Variants in PCNT observed in about 807,000 individuals in gnomAD.
PCNT encodes kendrin.
A neutral mutation model predicts 380.4 loss-of-function variants in PCNT; 319 were observed. That is an observed-to-expected ratio of 0.84 (90% CI 0.77 to 0.92). The LOEUF (loss-of-function observed/expected upper bound fraction) is 0.92. Among genes scored for constraint, PCNT ranks in the 40% least tolerant of loss-of-function variants. The pLI, the probability that PCNT is intolerant of heterozygous loss-of-function variation, is 0.00. For missense variants in PCNT, 4,400 were observed against 4,255.3 expected, an observed-to-expected ratio of 1.03 and a Z score of -0.95; for synonymous variants, 1,845 against 1,735.2, an observed-to-expected ratio of 1.06 and a Z score of -1.57.
Position 46,324,405 on chromosome 21 carries a change from G to C in PCNT, c.54+123G>C, listed in dbSNP as rs574843396. On this transcript the variant is annotated intron_variant, in intron 1 of 46. Transcript: ENST00000359568. ...CGGCGGAAGCCGCCGCGGAGGTCTC[G>C]CTTTTTCCCGCCGGCTCCGCTGGAA... The C allele has an allele frequency of 2.3e-3, 1,980 of 851,190 alleles. 6 individuals are homozygous for C. Among genetic ancestry groups the C allele is most frequent in the South Asian group, 4.1e-3 (286 of 69,822 alleles). The allele number at this position is 851,190 out of a possible 1,614,324, so 52.7% of individuals were successfully genotyped here.
chr21:46,371,337 A>C (rs2085120867), intron 15 of PCNT, among the ~76,000 whole-genome samples: 1 of 151,470 alleles, frequency 6.6e-6, no homozygotes, highest in African/African-American at 2.4e-5. Context: ...CAGCCTCCCA[A>C]GTAGCTGGGA....
At position 46,436,105 on chromosome 21, in the gene PCNT, G is replaced by C. The variant is rs188889473; in HGVS notation, c.8953G>C (p.Ala2985Pro). The change falls in exon 39 of 47, where the codon GCC becomes CCC. Residue 2985 changes from alanine to proline, a missense_variant. Coordinates refer to ENST00000359568, the MANE Select transcript of PCNT (RefSeq NM_006031.6). Reference protein sequence around the residue: ...LEAMRQRLLSAARLLTSFTSQ... With the variant: ...LEAMRQRLLSPARLLTSFTSQ... ...GGCGATGAGGCAGCGGCTGCTCTCT[G>C]CCGCCCGGCTTCTCACCAGCTTCAC... The C allele has an allele frequency of 7.4e-6, 12 of 1,610,858 alleles. No homozygotes were observed. The African/African-American group carries it at 1.3e-4, about 18-fold the overall frequency.
rs1233411059 is a variant in PCNT at position 46,428,416 on chromosome 21, C to G, written c.7516C>G (p.Leu2506Val). Residue 2506 changes from leucine (L) to valine (V), a missense_variant, in exon 35 of 47, where the codon CTG becomes GTG. Transcript: ENST00000359568. ...REQGDLQEKS[L>V]EHLRLPDRSS... ...CCAGGGAGACCTGCAGGAAAAGTCC[C>G]TGGAGCATCTTCGCTTGCCGGACCG... 6.2e-7 allele frequency: 1 copy of G among 1,612,438 alleles called. No individual in the cohort carries two copies. Among genetic ancestry groups the G allele is most frequent in the South Asian group, 1.1e-5 (1 of 90,982 alleles).
At chr21:46,429,172 C>T (rs2087635082) in intron 35 of PCNT, among the ~76,000 whole-genome samples, 1 of 152,076 alleles carries the variant, frequency 6.6e-6, no homozygotes, top group Non-Finnish European at 1.5e-5. Context: ...AGCCCACGGC[C>T]CTTGTCCCGG....
intron 13 of PCNT, among the ~76,000 whole-genome samples, chr21:46,358,854 G>A (rs905162943): frequency 9.2e-5 from 14 of 151,700 alleles, no homozygotes; most frequent in African/African-American, 2.4e-4. Flanking sequence ...AGGCTGGAGC[G>A]CGGTGGCGCA....
chr21:46,338,881 A>G (rs2083834726), intron 3 of PCNT, among the ~76,000 whole-genome samples: 1 of 152,094 alleles, frequency 6.6e-6, no homozygotes, highest in Non-Finnish European at 1.5e-5. Flanking sequence ...CCCAGGCTCA[A>G]GGGGTTCTCC....
intron 32 of PCNT, among the ~76,000 whole-genome samples, chr21:46,423,958 C>G (rs1458821508): frequency 2.0e-5 from 3 of 152,124 alleles, no homozygotes; most frequent in Non-Finnish European, 2.9e-5. Flanking sequence ...CAGACTGTTT[C>G]AAACTCAGGG....
chr21:46,406,235 C>T (rs2086618939), intron 27 of PCNT, among the ~76,000 whole-genome samples: 1 of 152,214 alleles, frequency 6.6e-6, no homozygotes, highest in Admixed American at 6.5e-5. Context: ...AACACCTCAT[C>T]CTCAATGTGG....
chr21:46,386,194 C>A (rs1026366145), intron 17 of PCNT, among the ~76,000 whole-genome samples: 2 of 152,224 alleles, frequency 1.3e-5, no homozygotes, highest in Non-Finnish European at 2.9e-5. Context: ...CATCTCCCAG[C>A]CCCCGTGCCC....
In PCNT at chr21:46,436,062, ACAG is replaced by A. The variant is rs773333645; in HGVS notation, c.8915_8917del (p.Gln2972del). On this transcript the variant is annotated inframe_deletion, in exon 39 of 47. Transcript: ENST00000359568. The stretch of plus-strand genomic sequence containing the variant: ...GCTCGGATGCGGACCACCTCCGGGA[ACAG>A]CAGCGAGAGCTGGAGGCGATGAGGC... 6.2e-7 allele frequency: 1 copy of A among 1,613,508 alleles called. No individual in the cohort carries two copies. The highest frequency in any genetic ancestry group is 8.5e-7 in the Non-Finnish European group (1 of 1,179,938).
chr21:46,437,098 C>T lies in PCNT; in HGVS notation c.9099+17C>T, dbSNP rs1278444853. On this transcript the variant is annotated intron_variant, in intron 40 of 46. Transcript: ENST00000359568. ...TCCTCCCAGGTAAGGGGTGAGCGCC[C>T]CCAGGTCCCTGGCCTGGCTCCTCCC... 28 of 1,584,688 alleles carry T rather than the reference C, an allele frequency of 1.8e-5. No individual in the cohort carries two copies. The highest frequency in any genetic ancestry group is 4.5e-5 in the East Asian group (2 of 44,766).
rs533850716 is a variant in PCNT, at chr21:46,373,463, C to T, written c.3165+6324C>T. Among the ~76,000 whole-genome samples the T allele has an allele frequency of 5.8e-3, 822 of 142,762 alleles. 10 individuals are homozygous for T. The highest frequency in any genetic ancestry group is 0.021 in the African/African-American group (785 of 37,738). The allele number at this position is 142,762 out of a possible 152,430, so 93.7% of individuals were successfully genotyped here. A position where few individuals can be genotyped will look rare whatever the true frequency, so the allele number is the denominator to read the frequency against. On this transcript the variant is annotated intron_variant, in intron 15 of 46. Coordinates refer to ENST00000359568, the MANE Select transcript of PCNT (RefSeq NM_006031.6). Reference sequence around the variant, plus strand: ...TTTTTTTTTTTTTGAGACAGAGTCTCGCTCTGTCTCCAGGCTGGAGTGCAG... The same window carrying T: ...TTTTTTTTTTTTTGAGACAGAGTCTTGCTCTGTCTCCAGGCTGGAGTGCAG...
Position 46,385,877 on chromosome 21 carries a change from C to G in PCNT, c.3358C>G (p.Arg1120Gly), listed in dbSNP as rs375135272. 1 of 1,614,044 alleles carries G rather than the reference C, an allele frequency of 6.2e-7. No homozygotes were observed. Among genetic ancestry groups the G allele is most frequent in the African/African-American group, 1.3e-5 (1 of 74,930 alleles). The change falls in exon 17 of 47, where the codon CGC (arginine) becomes GGC (glycine). Residue 1120 changes from arginine to glycine, a missense_variant. Coordinates refer to ENST00000359568, the MANE Select transcript of PCNT (RefSeq NM_006031.6). ...LSLSHEIEEC[R>G]SELEVLQQRR... is the part of the protein sequence containing the mutation. ...CTTAAGTCACGAGATAGAAGAGTGC[C>G]GCTCCGAGTTGGAGGTGCTGCAGCA...
chr21:46,325,541 A>G (rs1182581176), intron 1 of PCNT, among the ~76,000 whole-genome samples: 1 of 152,124 alleles, frequency 6.6e-6, no homozygotes, highest in Non-Finnish European at 1.5e-5. Flanking sequence ...TCCTTGAGAG[A>G]CCATTTTCTT....
Position 46,443,941 on chromosome 21 carries a change from G to T in PCNT, c.9832G>T (p.Gly3278Trp). Residue 3278 changes from glycine (G) to tryptophan (W), a missense_variant, in exon 45 of 47, where the codon GGG becomes TGG. Transcript: ENST00000359568. ...RLAAAASPHS[G>W]GRATPSPNSR... ...GGCAGCAGCAGCCTCCCCACACAGT[G>T]GGGGAAGGTCAGTGTGATGCCTTCA... is the stretch of plus-strand genomic sequence containing the variant. 6.2e-7 allele frequency: 1 copy of T among 1,612,194 alleles called. No individual in the cohort carries two copies. The highest frequency in any genetic ancestry group is 8.5e-7 in the Non-Finnish European group (1 of 1,179,870).
At chr21:46,396,104 T>A (rs1395023895) in intron 21 of PCNT, among the ~76,000 whole-genome samples, 1 of 152,244 alleles carries the variant, frequency 6.6e-6, no homozygotes, top group Non-Finnish European at 1.5e-5. Flanking sequence ...ATAATAATAA[T>A]AAAATGGAGG....
At chr21:46,407,850 C>T (rs2086664705) in intron 27 of PCNT, among the ~76,000 whole-genome samples, 5 of 152,108 alleles carry the variant, frequency 3.3e-5, no homozygotes, top group African/African-American at 9.7e-5. Context: ...TGATACTTTT[C>T]TCTCTTTATT....
intron 15 of PCNT, among the ~76,000 whole-genome samples, chr21:46,372,772 G>C (rs979140260): frequency 4.6e-5 from 7 of 152,204 alleles, no homozygotes; most frequent in Non-Finnish European, 7.3e-5. Flanking sequence ...CACGTGGACA[G>C]CTCTGGGTGC....
chr21:46,401,764 G>C (rs558285310), intron 26 of PCNT, 43 bp downstream of exon 26: 26 of 1,600,538 alleles, frequency 1.6e-5, no homozygotes, highest in Non-Finnish European at 2.1e-5. Context: ...CCCTGGGTCA[G>C]TGTCCAGTGG....
Sources: allele counts gnomAD v4.1 joint callset (sites outside exome capture counted in the v4.1 genomes callset), GRCh38; gene constraint gnomAD v4.1.1; transcripts MANE v1.5; gene names NCBI Gene and HGNC (gene_info 2026-07-23, HGNC 2026-07-21).